GALNT17: variants seen among roughly 807,000 people sequenced by gnomAD.
GALNT17 encodes UDP-GalNAc:polypeptide N-acetylgalactosaminyltransferase-like 3.
In GALNT17, 29 loss-of-function variants were observed where a neutral mutation model predicts 63.7. The observed-to-expected ratio is 0.46, with a 90% confidence interval of 0.34 to 0.62. The LOEUF (loss-of-function observed/expected upper bound fraction) is 0.62, where lower values mean the gene tolerates loss of function less well. Ranked by LOEUF, GALNT17 falls within the 20% of genes least tolerant of loss-of-function variation. The pLI, the probability that GALNT17 is intolerant of heterozygous loss-of-function variation, is 0.01. For missense variants in GALNT17, 603 were observed against 799.6 expected, an observed-to-expected ratio of 0.75 and a Z score of 2.97; for synonymous variants, 305 against 318.3, an observed-to-expected ratio of 0.96 and a Z score of 0.45.
chr7:71,305,224 A>G (rs1226379315), intron 1 of GALNT17, among the ~76,000 whole-genome samples: 3 of 124,270 alleles, frequency 2.4e-5, no homozygotes, highest in Non-Finnish European at 3.5e-5. Flanking sequence ...TACTTTGAGC[A>G]CATGTTAATT....
At chr7:71,439,637 G>A (rs893796685) in intron 5 of GALNT17, among the ~76,000 whole-genome samples, 7 of 152,148 alleles carry the variant, frequency 4.6e-5, no homozygotes, top group African/African-American at 1.4e-4. Context: ...GTTCAGTGTT[G>A]CGGGCTGCCA....
In GALNT17 at chr7:71,156,613, CCTT is replaced by C. The variant is rs1230082938; in HGVS notation, c.238+23575_238+23577del. 7.5e-4 allele frequency among the ~76,000 whole-genome samples: 113 copies of C among 150,684 alleles called. 4 individuals carry two copies. The South Asian group carries it at 0.021, about 28-fold the overall frequency. On this transcript the variant is annotated intron_variant, in intron 1 of 10. Coordinates refer to ENST00000333538, the MANE Select transcript of GALNT17 (RefSeq NM_022479.3). ...TCCTTCCTTCCTTCCTTCCTTCCTTCCTTCCTCCATTCTTTGCCTTCCTTCCCT... is the reference window on the plus strand; with the variant it reads ...TCCTTCCTTCCTTCCTTCCTTCCTTCCCTCCATTCTTTGCCTTCCTTCCCT...
At chr7:71,357,274 C>T (rs1264743695) in intron 2 of GALNT17, among the ~76,000 whole-genome samples, 2 of 152,166 alleles carry the variant, frequency 1.3e-5, no homozygotes, top group East Asian at 3.9e-4. Flanking sequence ...CTGAGTGCCA[C>T]CTCCTGCCAG....
intron 6 of GALNT17, among the ~76,000 whole-genome samples, chr7:71,643,283 C>G (rs139160769): frequency 0.021 from 3,186 of 152,232 alleles, 108 homozygotes; most frequent in African/African-American, 0.071. Context: ...GCCTGGCCAA[C>G]ATGGGGAAAC....
intron 1 of GALNT17, among the ~76,000 whole-genome samples, chr7:71,334,113 C>A (rs994522335): frequency 6.6e-6 from 1 of 152,060 alleles, no homozygotes; most frequent in Non-Finnish European, 1.5e-5. Context: ...GCATATTGGA[C>A]GGTGGAAATG....
At chr7:71,268,517 C>T (rs185419961) in intron 1 of GALNT17, among the ~76,000 whole-genome samples, 106 of 151,348 alleles carry the variant, frequency 7.0e-4, no homozygotes, top group African/African-American at 2.4e-3. Context: ...CACCACTGCA[C>T]TCCAGCCTGG....
chr7:71,275,064 T>G (rs1790659073), intron 1 of GALNT17, among the ~76,000 whole-genome samples: 1 of 152,124 alleles, frequency 6.6e-6, no homozygotes, highest in Non-Finnish European at 1.5e-5. Flanking sequence ...ACAAATCTAC[T>G]GAGTGGTTTC....
rs115329684 is a variant in GALNT17, at chr7:71,474,939, G to A, written c.962+53834G>A. ...GACCCAGACAGGAGATTAGAAGGTG[G>A]TGTGACCACAGAGACAGAGACTGAA... On this transcript the variant is annotated intron_variant, in intron 5 of 10. Coordinates refer to ENST00000333538, the MANE Select transcript of GALNT17 (RefSeq NM_022479.3). 3.9e-3 allele frequency among the ~76,000 whole-genome samples: 600 copies of A among 152,224 alleles called. 3 individuals are homozygous for A. The highest frequency in any genetic ancestry group is 0.014 in the African/African-American group (563 of 41,558).
At chr7:71,524,252 A>T (rs1788587539) in intron 5 of GALNT17, among the ~76,000 whole-genome samples, 2 of 147,080 alleles carry the variant, frequency 1.4e-5, no homozygotes, top group East Asian at 1.9e-4. Flanking sequence ...ATAATAATAT[A>T]TATTATATTA....
chr7:71,165,686 A>G (rs1190560519), intron 1 of GALNT17, among the ~76,000 whole-genome samples: 1 of 152,142 alleles, frequency 6.6e-6, no homozygotes, highest in South Asian at 2.1e-4. Context: ...GTCAAGATAC[A>G]TGTTTTCGTT....
At chr7:71,480,609 C>T (rs576065176) in intron 5 of GALNT17, among the ~76,000 whole-genome samples, 5 of 152,254 alleles carry the variant, frequency 3.3e-5, no homozygotes, top group Non-Finnish European at 5.9e-5. Context: ...CAGGTTCAAG[C>T]GATTCACCTG....
At chr7:71,140,841 G>A (rs931152228) in intron 1 of GALNT17, among the ~76,000 whole-genome samples, 1 of 151,720 alleles carries the variant, frequency 6.6e-6, no homozygotes, top group African/African-American at 2.4e-5. Context: ...GGGCAACATA[G>A]CAAGACCTTC....
At chr7:71,565,885 C>G (rs1378809543) in intron 5 of GALNT17, among the ~76,000 whole-genome samples, 1 of 151,006 alleles carries the variant, frequency 6.6e-6, no homozygotes, top group Non-Finnish European at 1.5e-5. Flanking sequence ...GCTCTTTCCC[C>G]CAGGTTGGAG....
chr7:71,416,773 T>C (rs896130752), intron 4 of GALNT17, among the ~76,000 whole-genome samples: 37 of 152,200 alleles, frequency 2.4e-4, no homozygotes, highest in Non-Finnish European at 4.3e-4. Flanking sequence ...AAAAGAGATA[T>C]AGTTATAATT....
intron 9 of GALNT17, among the ~76,000 whole-genome samples, chr7:71,706,911 G>A (rs1341148581): frequency 6.6e-6 from 1 of 152,178 alleles, no homozygotes; most frequent in Non-Finnish European, 1.5e-5. Flanking sequence ...GCTTTCTGGA[G>A]GAGGTGGGGT....
chr7:71,617,691 G>A lies in GALNT17; in HGVS notation c.1080+46289G>A, dbSNP rs142093840. ...GGAATCTCGCTCTGTCACCCAGGCT[G>A]GAGTGCTGTGGCGCGATCTCGGCTC... On this transcript the variant is annotated intron_variant, in intron 6 of 10. Transcript: ENST00000333538. Among the ~76,000 whole-genome samples, 738 of 151,584 alleles carry A rather than the reference G, an allele frequency of 4.9e-3. 15 individuals carry two copies. Among genetic ancestry groups the A allele is most frequent in the African/African-American group, 0.017 (709 of 41,278 alleles).
intron 1 of GALNT17, among the ~76,000 whole-genome samples, chr7:71,244,952 GAAA>G (rs879624006): frequency 3.5e-5 from 5 of 142,862 alleles, no homozygotes; most frequent in Non-Finnish European, 6.1e-5. Context: ...CCTATCTCCA[GAAA>G]AAAAAAAATC....
rs1442748701 is a variant in GALNT17 at position 71,712,297 on chromosome 7, G to A, written c.*151G>A. 18 of 981,494 alleles carry A rather than the reference G, an allele frequency of 1.8e-5. No individual in the cohort carries two copies. Among genetic ancestry groups the A allele is most frequent in the Admixed American group, 3.2e-5 (1 of 31,736 alleles). 60.8% of individuals were successfully genotyped at this position (981,494 alleles called of 1,614,324 possible). A position where few individuals can be genotyped will look rare whatever the true frequency, so the allele number is the denominator to read the frequency against. On this transcript the variant is annotated 3_prime_UTR_variant, in exon 11 of 11. Coordinates refer to ENST00000333538, the MANE Select transcript of GALNT17 (RefSeq NM_022479.3). Reference sequence around the variant, plus strand: ...TTCTCCAGGGCAGCACAGGGACCCCGGATGAAGACTCTGTCCCCCCTCAGG... The same window carrying A: ...TTCTCCAGGGCAGCACAGGGACCCCAGATGAAGACTCTGTCCCCCCTCAGG...
intron 5 of GALNT17, among the ~76,000 whole-genome samples, chr7:71,515,124 T>C (rs566295976): frequency 1.3e-5 from 2 of 152,266 alleles, no homozygotes; most frequent in South Asian, 4.1e-4. Context: ...TAAACCTCTT[T>C]TTCTTTATAA....
Sources: allele counts gnomAD v4.1 joint callset (sites outside exome capture counted in the v4.1 genomes callset), GRCh38; gene constraint gnomAD v4.1.1; transcripts MANE v1.5; gene names NCBI Gene and HGNC (gene_info 2026-07-23, HGNC 2026-07-21).